Variants in TMEM71 observed in about 807,000 individuals in gnomAD.
TMEM71 encodes the protein transmembrane protein 71.
In TMEM71, 44 loss-of-function variants were observed where a neutral mutation model predicts 38.0. The ratio of observed to expected loss-of-function variants is 1.16; its 90% CI spans 0.91 to 1.49. The LOEUF is 1.49. TMEM71 is among the 40% of genes most tolerant of loss of function. The pLI is 0.00. For synonymous variants in TMEM71, 133 were observed against 122.5 expected, an observed-to-expected ratio of 1.09 and a Z score of -0.56; for missense variants, 367 against 348.6, an observed-to-expected ratio of 1.05 and a Z score of -0.42.
intron 7 of TMEM71, among the ~76,000 whole-genome samples, chr8:132,716,472 C>G (rs184295742): frequency 6.6e-6 from 1 of 152,330 alleles, no homozygotes; most frequent in Non-Finnish European, 1.5e-5. Context: ...CTAACACCCC[C>G]TTTCAAAAAC....
In TMEM71 at chr8:132,710,939, A is replaced by G. The variant is rs371641129; in HGVS notation, c.*28T>C. On this transcript the variant is annotated 3_prime_UTR_variant, in exon 10 of 10. Transcript: ENST00000677595. ...ATTTCCAGATATTCAGATGGAGGACATTCATCGAAGGCATTCCTAAATGGT... is the reference window on the plus strand; with the variant it reads ...ATTTCCAGATATTCAGATGGAGGACGTTCATCGAAGGCATTCCTAAATGGT... The G allele has an allele frequency of 1.6e-4, 264 of 1,606,086 alleles. No individual in the cohort carries two copies. Among genetic ancestry groups the G allele is most frequent in the Non-Finnish European group, 1.7e-4 (200 of 1,174,192 alleles).
intron 5 of TMEM71, among the ~76,000 whole-genome samples, chr8:132,729,066 A>G (rs1586790807): frequency 6.6e-6 from 1 of 152,256 alleles, no homozygotes; most frequent in Non-Finnish European, 1.5e-5. Context: ...TTAGCCTGAC[A>G]TTCTCACAAA....
intron 3 of TMEM71, among the ~76,000 whole-genome samples, chr8:132,756,234 G>C (rs948427215): frequency 1.3e-5 from 2 of 151,704 alleles, no homozygotes; most frequent in African/African-American, 2.4e-5. Context: ...TGTTTTGGTA[G>C]AGCATAAAAT....
Position 132,727,837 on chromosome 8 carries a change from C to T in TMEM71, c.637G>A (p.Ala213Thr). 3 of 1,613,654 alleles carry T rather than the reference C, an allele frequency of 1.9e-6. No homozygotes were observed. The highest frequency in any genetic ancestry group is 1.1e-5 in the South Asian group (1 of 91,006). ...HSLSLQSQLTASERFQENSSD... is the reference protein window; with the variant it reads ...HSLSLQSQLTTSERFQENSSD... ...CTATTCTCTTGGAAACGTTCAGAAG[C>T]TGTCAACTGGGACTGAAGAGACAAG... Residue 213 changes from alanine (A) to threonine (T), a missense_variant, in exon 6 of 10, where the codon GCT becomes ACT. Transcript: ENST00000677595.
chr8:132,719,901 C>T (rs1189295922), intron 7 of TMEM71, among the ~76,000 whole-genome samples: 1 of 152,138 alleles, frequency 6.6e-6, no homozygotes. Flanking sequence ...GGATCCCATC[C>T]AGGTCACCAC....
intron 9 of TMEM71, among the ~76,000 whole-genome samples, chr8:132,712,395 G>A (rs567111124): frequency 6.6e-6 from 1 of 152,200 alleles, no homozygotes; most frequent in South Asian, 2.1e-4. Context: ...AGAACAATGG[G>A]AAGTTCTGAG....
intron 3 of TMEM71, among the ~76,000 whole-genome samples, chr8:132,756,668 C>G (rs1829035940): frequency 6.6e-6 from 1 of 151,262 alleles, no homozygotes; most frequent in African/African-American, 2.4e-5. Flanking sequence ...CTCACTGCAA[C>G]CTCTGCCTCC....
intron 2 of TMEM71, among the ~76,000 whole-genome samples, 179 bp from the exon 3 acceptor site, chr8:132,757,473 G>T (rs2131208600): frequency 6.6e-6 from 1 of 152,206 alleles, no homozygotes; most frequent in East Asian, 1.9e-4. Flanking sequence ...TATCACCAGG[G>T]ATCTACCGGA....
chr8:132,744,585 A>G (rs980963831), intron 5 of TMEM71, among the ~76,000 whole-genome samples: 8 of 152,254 alleles, frequency 5.3e-5, no homozygotes, highest in African/African-American at 1.9e-4. Context: ...AAGAATCAAT[A>G]TCACAAAAAT....
At chr8:132,768,101 G>A in the TMEM71 span, among the ~76,000 whole-genome samples, 1 of 152,140 alleles carries the variant, frequency 6.6e-6, no homozygotes, top group Admixed American at 6.5e-5. Context: ...GGCCAAACAG[G>A]CTAGATTTGA....
the TMEM71 span, among the ~76,000 whole-genome samples, chr8:132,770,668 A>C: frequency 2.0e-5 from 3 of 152,240 alleles, no homozygotes; most frequent in African/African-American, 7.2e-5. Context: ...CTTATTCCTT[A>C]TCTTCTATTA....
At chr8:132,729,125 T>C (rs1827313300) in intron 5 of TMEM71, among the ~76,000 whole-genome samples, 1 of 152,204 alleles carries the variant, frequency 6.6e-6, no homozygotes, top group Non-Finnish European at 1.5e-5. Context: ...GTTTCAAACA[T>C]GCTAAGATGA....
intron 6 of TMEM71, among the ~76,000 whole-genome samples, chr8:132,725,058 T>A (rs1397068717): frequency 6.6e-6 from 1 of 151,518 alleles, no homozygotes; most frequent in Non-Finnish European, 1.5e-5. Flanking sequence ...TTTTTTTTTT[T>A]AACAGGGTCT....
At chr8:132,712,969 G>A (rs1207854361) in intron 9 of TMEM71, among the ~76,000 whole-genome samples, 1 of 151,860 alleles carries the variant, frequency 6.6e-6, no homozygotes, top group Non-Finnish European at 1.5e-5. Context: ...CTCCATCTTA[G>A]TCTCCCCAGT....
chr8:132,726,269 CA>C (rs967258383), intron 6 of TMEM71, among the ~76,000 whole-genome samples: 25 of 150,906 alleles, frequency 1.7e-4, no homozygotes, highest in African/African-American at 5.9e-4. Flanking sequence ...CAAACCAAAA[CA>C]AAAAAAACCC....
chr8:132,724,484 A>C (rs1375755989), intron 6 of TMEM71, among the ~76,000 whole-genome samples: 1 of 152,190 alleles, frequency 6.6e-6, no homozygotes, highest in Non-Finnish European at 1.5e-5. Context: ...AAGAAGAAAT[A>C]TATAGCTGTT....
downstream of TMEM71, among the ~76,000 whole-genome samples, chr8:132,709,237 T>C (rs952248153): frequency 1.3e-5 from 2 of 152,240 alleles, no homozygotes; most frequent in Non-Finnish European, 2.9e-5. Context: ...ATGCATTTAG[T>C]TCTCCATTAA....
At chr8:132,713,052 T>A (rs538181272) in intron 9 of TMEM71, among the ~76,000 whole-genome samples, 1 of 151,820 alleles carries the variant, frequency 6.6e-6, no homozygotes, top group Admixed American at 6.5e-5. Context: ...ACTATGTTGC[T>A]CAGGCTGGTC....
chr8:132,769,153 A>G, the TMEM71 span, among the ~76,000 whole-genome samples: 2 of 152,282 alleles, frequency 1.3e-5, no homozygotes, highest in African/African-American at 4.8e-5. Flanking sequence ...AATTGAAACT[A>G]TAAAGAAGTG....
Sources: gnomAD v4.1 joint callset for allele counts (sites outside exome capture counted in the v4.1 genomes callset) on GRCh38, gnomAD v4.1.1 for gene constraint, MANE v1.5 for transcripts, NCBI Gene and HGNC (gene_info 2026-07-23, HGNC 2026-07-21) for gene names.